GCNT1: variants seen among roughly 807,000 people sequenced by gnomAD.
GCNT1 encodes glucosaminyl (N-acetyl) transferase 1.
GCNT1 carries 16 observed loss-of-function variants against 26.2 expected under a neutral mutation model. The observed-to-expected ratio is 0.61, with a 90% CI of 0.41 to 0.93. The LOEUF is 0.93. GCNT1 is among the 40% of genes least tolerant of loss of function. GCNT1 has a pLI of 0.00. For missense variants in GCNT1, 477 were observed against 526.7 expected (o/e 0.91, Z 0.92); for synonymous variants, 183 against 190.8 (o/e 0.96, Z 0.34).
chr9:76,460,616 C>T (rs1378763446), intron 2 of GCNT1, among the ~76,000 whole-genome samples: 1 of 152,224 alleles, frequency 6.6e-6, no homozygotes, highest in Non-Finnish European at 1.5e-5. Context: ...GAGGAAAACT[C>T]AGACTGTGTA....
intron 1 of GCNT1, among the ~76,000 whole-genome samples, chr9:76,431,316 C>G (rs1387620164): frequency 2.6e-5 from 4 of 152,114 alleles, no homozygotes; most frequent in African/African-American, 9.7e-5. Flanking sequence ...AGCAGGGACC[C>G]CAGGTCATCC....
chr9:76,437,123 GA>G (rs1355639955), upstream of GCNT1, among the ~76,000 whole-genome samples: 3 of 151,548 alleles, frequency 2.0e-5, no homozygotes, highest in Admixed American at 1.3e-4. Flanking sequence ...AAAAAGAAAA[GA>G]AAAAAATAAA....
chr9:76,420,944 G>GAAA (rs35205492), intron 1 of GCNT1, among the ~76,000 whole-genome samples: 20 of 123,118 alleles, frequency 1.6e-4, no homozygotes, highest in African/African-American at 5.6e-4. Context: ...ATCTCAAAAG[G>GAAA]AAAAAAAAAA....
chr9:76,436,681 T>A (rs926364089), upstream of GCNT1, among the ~76,000 whole-genome samples: 2 of 151,712 alleles, frequency 1.3e-5, no homozygotes, highest in African/African-American at 4.9e-5. Context: ...CATTTATTGA[T>A]TTATTGAATG....
rs539071743 is a variant in GCNT1 at position 76,453,465 on chromosome 9, A to G, written c.-290+11150A>G. ...TTGAGGTTCTAGGTTACCTTTAGTA[A>G]ATTGTGCCATTTTTGAGGCTATTAA... On this transcript the variant is annotated intron_variant, in intron 1 of 2. Coordinates refer to the GCNT1 transcript ENST00000442371. 3.3e-5 allele frequency among the ~76,000 whole-genome samples: 5 copies of G among 152,298 alleles called. No individual in the cohort carries two copies. In the South Asian group the frequency reaches 1.0e-3, roughly 32 times the overall value.
upstream of GCNT1, among the ~76,000 whole-genome samples, chr9:76,457,868 C>A (rs144696450): frequency 6.5e-3 from 989 of 152,218 alleles, 9 homozygotes; most frequent in African/African-American, 0.022. Flanking sequence ...TTCCCAAAAT[C>A]ATTTCCTCTC....
At chr9:76,476,260 C>T (rs980610309) in intron 2 of GCNT1, among the ~76,000 whole-genome samples, 6 of 152,100 alleles carry the variant, frequency 3.9e-5, no homozygotes, top group South Asian at 2.1e-4. Context: ...AAACCCAAGA[C>T]GTGTGGCCCA....
At position 76,503,308 on chromosome 9, in the gene GCNT1, G is replaced by T; in HGVS notation, c.927G>T (p.Met309Ile). Reference sequence around the variant, plus strand: ...AGAATGAAAAAATCCAAAAGTTGATGGAGTGGGCACAAGACACATACAGCC... The same window carrying T: ...AGAATGAAAAAATCCAAAAGTTGATTGAGTGGGCACAAGACACATACAGCC... ...VLQNEKIQKL[M>I]EWAQDTYSPD... Residue 309 changes from methionine to isoleucine, a missense_variant, in exon 4 of 4, where the codon ATG becomes ATT. By Grantham distance (10) the Met-to-Ile change is conservative. Transcript: ENST00000376730. 6.2e-7 allele frequency: 1 copy of T among 1,614,136 alleles called. No individual in the cohort carries two copies. The highest frequency in any genetic ancestry group is 1.3e-5 in the African/African-American group (1 of 75,018).
At chr9:76,471,686 T>A (rs1256331210) in intron 2 of GCNT1, among the ~76,000 whole-genome samples, 1 of 152,196 alleles carries the variant, frequency 6.6e-6, no homozygotes, top group Non-Finnish European at 1.5e-5. Flanking sequence ...TCCAAAGACA[T>A]TTCTGACCAT....
chr9:76,400,105 C>T, the GCNT1 span, among the ~76,000 whole-genome samples: 1 of 152,150 alleles, frequency 6.6e-6, no homozygotes, highest in African/African-American at 2.4e-5. Context: ...ATGTGAAGCA[C>T]AGGGGATTTT....
At chr9:76,398,328 A>C in the GCNT1 span, among the ~76,000 whole-genome samples, 2 of 152,262 alleles carry the variant, frequency 1.3e-5, no homozygotes, top group African/African-American at 4.8e-5. Flanking sequence ...GTTCAACATC[A>C]TATATCGTGA....
chr9:76,400,296 A>C, the GCNT1 span, among the ~76,000 whole-genome samples: 1 of 152,162 alleles, frequency 6.6e-6, no homozygotes. Context: ...TCTGACATCA[A>C]CGTTCACACC....
intron 2 of GCNT1, among the ~76,000 whole-genome samples, chr9:76,492,781 G>T (rs1034798597): frequency 6.6e-5 from 10 of 151,612 alleles, no homozygotes; most frequent in African/African-American, 1.9e-4. Context: ...TCCATTTTCT[G>T]TCCTCTCTAA....
the GCNT1 span, among the ~76,000 whole-genome samples, chr9:76,406,153 T>C: frequency 6.6e-6 from 1 of 152,172 alleles, no homozygotes; most frequent in Non-Finnish European, 1.5e-5. Flanking sequence ...TTTCATATGC[T>C]TATTTGCCAT....
upstream of GCNT1, among the ~76,000 whole-genome samples, chr9:76,417,831 C>T (rs538937429): frequency 1.4e-4 from 22 of 152,294 alleles, no homozygotes; most frequent in African/African-American, 5.3e-4. Context: ...CATGGCAAAG[C>T]TCACACATCA....
At chr9:76,448,004 A>G (rs551417682) in intron 1 of GCNT1, among the ~76,000 whole-genome samples, 2 of 152,330 alleles carry the variant, frequency 1.3e-5, no homozygotes, top group Admixed American at 1.3e-4. Context: ...CCAGATAGGA[A>G]TCACTGAGTC....
At chr9:76,402,512 G>A in the GCNT1 span, among the ~76,000 whole-genome samples, 8 of 152,042 alleles carry the variant, frequency 5.3e-5, no homozygotes, top group Non-Finnish European at 1.0e-4. Context: ...GAGAGCCTAC[G>A]ACCTACTAAA....
intron 1 of GCNT1, among the ~76,000 whole-genome samples, chr9:76,433,279 C>T (rs995353070): frequency 5.3e-5 from 8 of 152,206 alleles, no homozygotes; most frequent in African/African-American, 9.7e-5. Flanking sequence ...GCAGCAGGGC[C>T]AGGTCATCCC....
chr9:76,485,370 T>A (rs903345524), intron 2 of GCNT1, among the ~76,000 whole-genome samples: 5 of 151,958 alleles, frequency 3.3e-5, no homozygotes, highest in African/African-American at 1.2e-4. Context: ...GACAGGGTTT[T>A]GCCGAGTTGG....
Sources: allele counts gnomAD v4.1 joint callset (sites outside exome capture counted in the v4.1 genomes callset), GRCh38; gene constraint gnomAD v4.1.1; transcripts MANE v1.5; gene names NCBI Gene and HGNC (gene_info 2026-07-23, HGNC 2026-07-21).